Variants in PCDHA8 observed in about 807,000 individuals in gnomAD.
PCDHA8 encodes the protein protocadherin alpha-8.
A neutral mutation model predicts 61.8 loss-of-function variants in PCDHA8; 53 were observed. That is an observed-to-expected ratio of 0.86 (90% CI 0.69 to 1.08). The LOEUF is 1.08. Ranked by LOEUF, PCDHA8 falls within the 50% of genes least tolerant of loss-of-function variation. The pLI, the probability that PCDHA8 is intolerant of heterozygous loss-of-function variation, is 0.00. For missense variants in PCDHA8, 1,293 were observed against 1,245.0 expected, an observed-to-expected ratio of 1.04 and a Z score of -0.58; for synonymous variants, 618 against 556.6, an observed-to-expected ratio of 1.11 and a Z score of -1.55.
Position 140,993,262 on chromosome 5 carries a change from C to T in PCDHA8, c.2542+10699C>T, listed in dbSNP as rs75542242. ...CTGGGGATTTAGATATATAAATTAG[C>T]TTCTTTGGTCTTTTCTTGCCCAGGG... On this transcript the variant is annotated intron_variant, in intron 3 of 3. Transcript: ENST00000531613. Among the ~76,000 whole-genome samples the T allele has an allele frequency of 6.3e-3, 965 of 152,148 alleles. 15 individuals are homozygous for T. Among genetic ancestry groups the T allele is most frequent in the African/African-American group, 0.023 (934 of 41,492 alleles).
intron 1 of PCDHA8, chr5:140,851,170 A>T: frequency 7.9e-7 from 1 of 1,265,740 alleles, no homozygotes; most frequent in Non-Finnish European, 1.0e-6. Flanking sequence ...ATGCTGCCAT[A>T]ACACTTGAAA....
chr5:140,982,461 G>C lies in PCDHA8; in HGVS notation c.2454-14G>C, dbSNP rs765899879. Reference sequence around the variant, plus strand: ...TATGATCTAACCGTTATCTGGGTCTGTGTGTTTATTCAGCTCTGTGCACCT... The same window carrying C: ...TATGATCTAACCGTTATCTGGGTCTCTGTGTTTATTCAGCTCTGTGCACCT... On this transcript the variant is annotated splice_polypyrimidine_tract_variant and intron_variant, in intron 2 of 3. Coordinates refer to ENST00000531613, the MANE Select transcript of PCDHA8 (RefSeq NM_018911.3). 4.3e-6 allele frequency: 7 copies of C among 1,613,970 alleles called. No homozygotes were observed. The Admixed American group carries it at 6.7e-5, about 15-fold the overall frequency.
At chr5:140,883,757 C>A (rs369534214) in intron 1 of PCDHA8, 175 of 1,612,790 alleles carry the variant, frequency 1.1e-4, no homozygotes, top group Non-Finnish European at 1.5e-4. Flanking sequence ...GCTGGTGGAG[C>A]GGCGGGTGGG....
chr5:140,893,528 G>C (rs541953324), intron 1 of PCDHA8, among the ~76,000 whole-genome samples: 2 of 152,254 alleles, frequency 1.3e-5, no homozygotes, highest in Admixed American at 6.5e-5. Context: ...ACTCCTTTAA[G>C]TATTTCTTGT....
rs368166956 is a variant in PCDHA8, at chr5:140,870,187, G to T, written c.2394+26472G>T. On this transcript the variant is annotated intron_variant, in intron 1 of 3. Coordinates refer to ENST00000531613, the MANE Select transcript of PCDHA8 (RefSeq NM_018911.3). Reference sequence around the variant, plus strand: ...CTTGTCCCTCCCAGTACGAGAGGACGCTCAGCCCAGCACGGTCATTGCCCT... The same window carrying T: ...CTTGTCCCTCCCAGTACGAGAGGACTCTCAGCCCAGCACGGTCATTGCCCT... 55 of 1,614,092 alleles carry T rather than the reference G, an allele frequency of 3.4e-5. No individual in the cohort carries two copies. The African/African-American group carries it at 6.5e-4, about 19-fold the overall frequency.
intron 1 of PCDHA8, among the ~76,000 whole-genome samples, chr5:140,941,194 T>TCTTTCTTC (rs781885331): frequency 0.027 from 3,012 of 112,124 alleles, 85 homozygotes; most frequent in African/African-American, 0.068. Flanking sequence ...TCTTTTTTTT[T>TCTTTCTTC]CTTTCTTCCT....
At position 140,974,721 on chromosome 5, in the gene PCDHA8, G is replaced by A. The variant is rs1033117636; in HGVS notation, c.2395-4228G>A. 3.9e-5 allele frequency among the ~76,000 whole-genome samples: 6 copies of A among 152,050 alleles called. No homozygotes were observed. In the East Asian group the frequency reaches 1.2e-3, roughly 29 times the overall value. On this transcript the variant is annotated intron_variant, in intron 1 of 3. Transcript: ENST00000531613. ...TCACCATGTTGTTCAAGCTGCTCTCGAACTCCTGTCTCCACCTTGGCCTCC... is the reference window on the plus strand; with the variant it reads ...TCACCATGTTGTTCAAGCTGCTCTCAAACTCCTGTCTCCACCTTGGCCTCC...
At chr5:140,889,159 A>G (rs1392016642) in intron 1 of PCDHA8, among the ~76,000 whole-genome samples, 1 of 151,652 alleles carries the variant, frequency 6.6e-6, no homozygotes, top group Non-Finnish European at 1.5e-5. Context: ...CTTCTTTGTT[A>G]AGTATTCAAG....
At chr5:140,871,204 A>G in intron 1 of PCDHA8, 1 of 1,613,764 alleles carries the variant, frequency 6.2e-7, no homozygotes, top group Non-Finnish European at 8.5e-7. Context: ...GTACCTGATC[A>G]TCGCCATCTG....
intron 1 of PCDHA8, among the ~76,000 whole-genome samples, chr5:140,872,206 T>A (rs2053543474): frequency 1.3e-5 from 2 of 152,340 alleles, no homozygotes; most frequent in Middle Eastern, 6.8e-3. Flanking sequence ...CATAAATTCA[T>A]TATATATGAA....
At chr5:140,854,418 TA>T (rs1235351713) in intron 1 of PCDHA8, 1 of 151,722 alleles carries the variant, frequency 6.6e-6, no homozygotes, top group Non-Finnish European at 1.5e-5. Flanking sequence ...AAGTAATCTC[TA>T]AAATCAGAAT....
chr5:140,902,225 A>G (rs1454445915), intron 1 of PCDHA8, among the ~76,000 whole-genome samples: 1 of 114,610 alleles, frequency 8.7e-6, no homozygotes, highest in African/African-American at 3.5e-5. Context: ...TTTTTTTGAG[A>G]TGAGGACTTG....
chr5:140,985,401 C>T (rs2097150530), intron 3 of PCDHA8, among the ~76,000 whole-genome samples: 1 of 152,108 alleles, frequency 6.6e-6, no homozygotes, highest in Non-Finnish European at 1.5e-5. Flanking sequence ...CCAACTGTTC[C>T]CCTGGAAATG....
intron 1 of PCDHA8, chr5:140,875,618 C>T (rs1554167806): frequency 3.1e-6 from 5 of 1,613,806 alleles, no homozygotes; most frequent in Non-Finnish European, 3.4e-6. Context: ...GGCCGCATCG[C>T]TCAGGACCTG....
chr5:140,841,947 A>T lies in PCDHA8; in HGVS notation c.626A>T (p.His209Leu). Residue 209 changes from histidine (H) to leucine (L), a missense_variant, in exon 1 of 4, where the codon CAC becomes CTC. His to Leu is a moderately conservative substitution (Grantham distance 99). Coordinates refer to ENST00000531613, the MANE Select transcript of PCDHA8 (RefSeq NM_018911.3). ...GACAGAGAGGACGCTCCTGCGCACC[A>T]CTTATTCCTGACAGCCACAGATGGG... Reference protein sequence around the residue: ...SLDREDAPAHHLFLTATDGGK... With the variant: ...SLDREDAPAHLLFLTATDGGK... 1 of 1,613,886 alleles carries T rather than the reference A, an allele frequency of 6.2e-7. No homozygotes were observed. Among genetic ancestry groups the T allele is most frequent in the Non-Finnish European group, 8.5e-7 (1 of 1,179,858 alleles).
intron 3 of PCDHA8, among the ~76,000 whole-genome samples, chr5:141,000,381 CTCTCTCTCTCTCTCTATA>C (rs1371464108): frequency 4.9e-5 from 3 of 61,382 alleles, no homozygotes; most frequent in South Asian, 5.3e-4. Flanking sequence ...CTCTCTCTCT[CTCTCTCTCTCTCTCTATA>C]TATATATATA....
intron 1 of PCDHA8, among the ~76,000 whole-genome samples, chr5:140,878,566 A>G (rs2057645190): frequency 6.6e-6 from 1 of 152,262 alleles, no homozygotes. Context: ...AACTTATCAT[A>G]GTATACCACT....
rs2150333932 is a variant in PCDHA8 at position 140,842,313 on chromosome 5, C to T, written c.992C>T (p.Ala331Val). 2.5e-6 allele frequency: 4 copies of T among 1,607,028 alleles called. No individual in the cohort carries two copies. The highest frequency in any genetic ancestry group is 2.2e-5 in the East Asian group (1 of 44,826). Residue 331 changes from alanine to valine, a missense_variant, in exon 1 of 4, where the codon GCG becomes GTG. Coordinates refer to ENST00000531613, the MANE Select transcript of PCDHA8 (RefSeq NM_018911.3). ...ACGGACAAAGGCCATCCTCCCATGGCGGGTCATTGCACCGTTTTAGTGAGA... is the reference window on the plus strand; with the variant it reads ...ACGGACAAAGGCCATCCTCCCATGGTGGGTCATTGCACCGTTTTAGTGAGA... ...DATDKGHPPM[A>V]GHCTVLVRIL...
intron 1 of PCDHA8, among the ~76,000 whole-genome samples, chr5:140,905,634 C>T (rs1554192107): frequency 6.6e-6 from 1 of 152,168 alleles, no homozygotes; most frequent in African/African-American, 2.4e-5. Context: ...ACAGTATGGT[C>T]AGTTTCACAG....
Sources: gnomAD v4.1 joint callset for allele counts (sites outside exome capture counted in the v4.1 genomes callset) on GRCh38, gnomAD v4.1.1 for gene constraint, MANE v1.5 for transcripts, NCBI Gene and HGNC (gene_info 2026-07-23, HGNC 2026-07-21) for gene names.